NUP160: variants seen among roughly 807,000 people sequenced by gnomAD.
NUP160 encodes nucleoporin 160.
NUP160 carries 94 observed loss-of-function variants against 196.9 expected under a neutral mutation model. The ratio of observed to expected loss-of-function variants is 0.48; its 90% CI spans 0.40 to 0.57. The LOEUF is 0.57. NUP160 is among the 20% of genes least tolerant of loss of function. NUP160 has a pLI of 0.00. For missense variants in NUP160, 1,638 were observed against 1,748.3 expected, an observed-to-expected ratio of 0.94 and a Z score of 1.13; for synonymous variants, 605 against 619.7, an observed-to-expected ratio of 0.98 and a Z score of 0.35.
At chr11:47,800,020 G>C (rs182876475) in intron 23 of NUP160, among the ~76,000 whole-genome samples, 3 of 152,138 alleles carry the variant, frequency 2.0e-5, no homozygotes, top group Admixed American at 6.6e-5. Flanking sequence ...TTGGGAGGCC[G>C]AGGCAGGTGG....
intron 28 of NUP160, 176 bp from the exon 29 acceptor site, chr11:47,792,166 T>C: frequency 1.8e-6 from 1 of 552,122 alleles, no homozygotes; most frequent in African/African-American, 1.9e-5. Context: ...AGAAGTTCTT[T>C]GCCAAGTTGT....
chr11:47,807,247 A>G (rs1324126704), intron 18 of NUP160, 107 bp from the exon 19 acceptor site: 1 of 695,672 alleles, frequency 1.4e-6, no homozygotes, highest in Non-Finnish European at 2.4e-6. Flanking sequence ...TAAATTGCAC[A>G]TAAAAGCTCC....
At chr11:47,836,482 C>T (rs778381220) in intron 6 of NUP160, among the ~76,000 whole-genome samples, 3 of 151,972 alleles carry the variant, frequency 2.0e-5, no homozygotes, top group Middle Eastern at 3.2e-3. Context: ...GGTATGGTAG[C>T]GTGCCCCTGT....
At chr11:47,783,143 T>A in exon 34 of NUP160, 2 of 1,613,982 alleles carry the variant, frequency 1.2e-6, no homozygotes, top group Middle Eastern at 3.3e-4. Flanking sequence ...ATCCACAGCT[T>A]CTTCTAAAAG....
At chr11:47,816,458 A>G (rs2097684513) in intron 11 of NUP160, among the ~76,000 whole-genome samples, 1 of 152,212 alleles carries the variant, frequency 6.6e-6, no homozygotes, top group African/African-American at 2.4e-5. Flanking sequence ...AAATCCATCC[A>G]TGAAGCTAAG....
chr11:47,823,512 G>C (rs1201564082), intron 7 of NUP160, among the ~76,000 whole-genome samples: 1 of 151,986 alleles, frequency 6.6e-6, no homozygotes, highest in Non-Finnish European at 1.5e-5. Context: ...CGCCCATGTA[G>C]TAGCATGTGT....
At chr11:47,812,578 C>G (rs949296104) in intron 15 of NUP160, 149 bp from the exon 16 acceptor site, 1 of 781,836 alleles carries the variant, frequency 1.3e-6, no homozygotes, top group Non-Finnish European at 2.0e-6. Flanking sequence ...AGTCCCTATG[C>G]ATAGCAAATT....
intron 19 of NUP160, among the ~76,000 whole-genome samples, chr11:47,806,866 A>C: frequency 6.8e-6 from 1 of 147,004 alleles, no homozygotes; most frequent in African/African-American, 2.6e-5. Flanking sequence ...TATATACCAT[A>C]TCCTTAACAT....
chr11:47,847,818 CA>C (rs1393729555), intron 2 of NUP160, 29 bp downstream of exon 2: 1 of 1,492,626 alleles, frequency 6.7e-7, no homozygotes, highest in Admixed American at 1.7e-5. Context: ...CCCTACCTTC[CA>C]GGGGAGTTTG....
chr11:47,838,104 G>A (rs1852212809), intron 4 of NUP160, among the ~76,000 whole-genome samples: 1 of 152,190 alleles, frequency 6.6e-6, no homozygotes, highest in Non-Finnish European at 1.5e-5. Flanking sequence ...GAGAGTGCCA[G>A]GATATAGGGA....
At chr11:47,791,607 C>CACCT (rs1415928633) in intron 29 of NUP160, among the ~76,000 whole-genome samples, 1 of 152,156 alleles carries the variant, frequency 6.6e-6, no homozygotes, top group East Asian at 1.9e-4. Context: ...TCCCAAGGTG[C>CACCT]TGGGATTACA....
intron 23 of NUP160, 144 bp from the exon 24 acceptor site, chr11:47,798,607 G>A: frequency 1.7e-6 from 1 of 598,640 alleles, no homozygotes; most frequent in Non-Finnish European, 3.0e-6. Context: ...GGAGGCTGAA[G>A]CAGCAGGATT....
chr11:47,789,568 TACA>T (rs914962739), intron 29 of NUP160, among the ~76,000 whole-genome samples: 12 of 152,162 alleles, frequency 7.9e-5, no homozygotes, highest in African/African-American at 1.7e-4. Flanking sequence ...CTTACTGTTG[TACA>T]ACATTTTCGA....
At chr11:47,846,784 G>A (rs899841971) in intron 2 of NUP160, among the ~76,000 whole-genome samples, 9 of 152,136 alleles carry the variant, frequency 5.9e-5, no homozygotes, top group Non-Finnish European at 1.0e-4. Context: ...AGGGGTACAT[G>A]TGCAGGTTTG....
At chr11:47,797,797 G>C in exon 27 of NUP160, 1 of 1,611,916 alleles carries the variant, frequency 6.2e-7, no homozygotes, top group Non-Finnish European at 8.5e-7. Context: ...TAATTGTGGC[G>C]ATAGATGTGA....
intron 2 of NUP160, among the ~76,000 whole-genome samples, chr11:47,845,099 G>A (rs960758051): frequency 2.0e-5 from 3 of 152,126 alleles, no homozygotes; most frequent in Non-Finnish European, 4.4e-5. Context: ...TGGGCAACCA[G>A]CAGCCCTCGG....
intron 7 of NUP160, among the ~76,000 whole-genome samples, chr11:47,822,977 C>T (rs1851894802): frequency 1.3e-5 from 2 of 152,180 alleles, no homozygotes; most frequent in Admixed American, 1.3e-4. Context: ...CATTGATGGA[C>T]ACTTGGGTTG....
intron 2 of NUP160, among the ~76,000 whole-genome samples, chr11:47,846,164 A>G (rs547227769): frequency 1.3e-3 from 187 of 149,394 alleles, no homozygotes; most frequent in Non-Finnish European, 2.1e-3. Flanking sequence ...AAGCAGAAAG[A>G]AAAAAAAATT....
intron 7 of NUP160, among the ~76,000 whole-genome samples, chr11:47,826,596 T>C (rs1851973017): frequency 6.9e-6 from 1 of 145,344 alleles, no homozygotes; most frequent in Non-Finnish European, 1.5e-5. Context: ...AGAGTCTCTC[T>C]CTGTCACTTA....
Sources: gnomAD v4.1 joint callset for allele counts (sites outside exome capture counted in the v4.1 genomes callset) on GRCh38, gnomAD v4.1.1 for gene constraint, MANE v1.5 for transcripts, NCBI Gene and HGNC (gene_info 2026-07-23, HGNC 2026-07-21) for gene names.